The following GNAL variants were observed in gnomAD, a reference collection of about 807,000 sequenced individuals.
GNAL encodes guanine nucleotide-binding protein G(olf) subunit alpha.
A neutral mutation model predicts 55.1 loss-of-function variants in GNAL; 18 were observed. That is an observed-to-expected ratio of 0.33 (90% CI 0.23 to 0.48). GNAL has a LOEUF of 0.48. Among genes scored for constraint, GNAL ranks in the 20% least tolerant of loss-of-function variants. The pLI is 0.99. For missense variants in GNAL, 412 were observed against 614.1 expected, an observed-to-expected ratio of 0.67 and a Z score of 3.48; for synonymous variants, 253 against 237.0, an observed-to-expected ratio of 1.07 and a Z score of -0.62.
chr18:11,742,556 G>C (rs2032600443), intron 1 of GNAL, among the ~76,000 whole-genome samples: 1 of 152,246 alleles, frequency 6.6e-6, no homozygotes, highest in African/African-American at 2.4e-5. Context: ...CTTAAGAAAA[G>C]TTTCCGTGCC....
At chr18:11,860,128 A>T (rs1464378818) in intron 5 of GNAL, among the ~76,000 whole-genome samples, 1 of 152,168 alleles carries the variant, frequency 6.6e-6, no homozygotes, top group Non-Finnish European at 1.5e-5. Flanking sequence ...CTTCCAGGGA[A>T]ATGACTCATT....
chr18:11,721,969 C>G (rs115301082), intron 1 of GNAL, among the ~76,000 whole-genome samples: 1,977 of 152,036 alleles, frequency 0.013, 40 homozygotes, highest in African/African-American at 0.045. Flanking sequence ...TTCACTAAGA[C>G]AGTTCACAGA....
chr18:11,790,903 T>C (rs1193090792), intron 4 of GNAL, among the ~76,000 whole-genome samples: 1 of 152,152 alleles, frequency 6.6e-6, no homozygotes, highest in Non-Finnish European at 1.5e-5. Context: ...GTAATCCGCC[T>C]GCCTCAGCTT....
intron 11 of GNAL, among the ~76,000 whole-genome samples, chr18:11,877,193 C>T (rs2036551420): frequency 6.6e-6 from 1 of 152,214 alleles, no homozygotes. Context: ...GTGGCTCATG[C>T]CTGTCATCCC....
At chr18:11,716,525 T>G (rs962346072) in intron 1 of GNAL, among the ~76,000 whole-genome samples, 1 of 152,206 alleles carries the variant, frequency 6.6e-6, no homozygotes, top group Non-Finnish European at 1.5e-5. Flanking sequence ...CCTGCTTTTA[T>G]TCTCTTATCT....
rs34680678 is a variant in GNAL, at chr18:11,883,689, CT to C, written c.*2566del. On this transcript the variant is annotated 3_prime_UTR_variant, in exon 12 of 12. Coordinates refer to ENST00000334049, the MANE Select transcript of GNAL (RefSeq NM_182978.4). The stretch of plus-strand genomic sequence containing the variant: ...ATATGTTCTGCACATCACATCTGTA[CT>C]TTTTTTTTTTTAAATATATTTTTTG... 1.6e-3 allele frequency: 233 copies of C among 147,480 alleles called. 1 individual carries two copies. The highest frequency in any genetic ancestry group is 1.1e-3 in the Non-Finnish European group (70 of 66,252). 9.1% of individuals were successfully genotyped at this position (147,480 alleles called of 1,614,324 possible).
At chr18:11,827,334 C>T (rs183576379) in intron 5 of GNAL, among the ~76,000 whole-genome samples, 2 of 152,258 alleles carry the variant, frequency 1.3e-5, no homozygotes, top group Non-Finnish European at 2.9e-5. Flanking sequence ...ATGTCCTGGC[C>T]GGGCATGATG....
intron 4 of GNAL, among the ~76,000 whole-genome samples, chr18:11,754,679 GC>G (rs1225002845): frequency 6.6e-6 from 1 of 152,208 alleles, no homozygotes; most frequent in African/African-American, 2.4e-5. Flanking sequence ...CTTTGAAGAT[GC>G]ACAGCCTTCA....
intron 4 of GNAL, among the ~76,000 whole-genome samples, chr18:11,796,463 C>G (rs1335282690): frequency 2.0e-5 from 3 of 151,360 alleles, no homozygotes; most frequent in African/African-American, 7.3e-5. Context: ...GCCTGTAGTC[C>G]CAGCTACTGG....
At chr18:11,732,385 A>AAC (rs2032359429) in intron 1 of GNAL, among the ~76,000 whole-genome samples, 1 of 152,202 alleles carries the variant, frequency 6.6e-6, no homozygotes, top group African/African-American at 2.4e-5. Context: ...GTGAGATGTT[A>AAC]TTCACTGTGC....
In GNAL at chr18:11,689,823, A is replaced by T; in HGVS notation, c.260A>T (p.Glu87Val). ...RTEQLSAEER[E>V]AAKEREAVKE... is the part of the protein sequence containing the mutation. ...GAGCAGCTGAGTGCCGAGGAGCGCG[A>T]GGCGGCCAAGGAGCGCGAGGCGGTC... The change falls in exon 1 of 12, where the codon GAG (glutamate) becomes GTG (valine). Residue 87 changes from glutamate (E) to valine (V), a missense_variant. Glu to Val is a moderately radical substitution (Grantham distance 121, BLOSUM62 -2). This residue lies in a region of GNAL where 228 missense variants were observed against 194.8 expected (regional missense o/e 1.17). Coordinates refer to ENST00000334049, the MANE Select transcript of GNAL (RefSeq NM_182978.4). 1.3e-6 allele frequency: 2 copies of T among 1,537,106 alleles called. No homozygotes were observed. Among genetic ancestry groups the T allele is most frequent in the South Asian group, 2.4e-5 (2 of 83,036 alleles).
chr18:11,857,812 C>A, intron 5 of GNAL: 2 of 820,514 alleles, frequency 2.4e-6, no homozygotes, highest in Non-Finnish European at 2.9e-6. Context: ...TCCACCAGTA[C>A]GAACTCCTGG....
chr18:11,854,321 T>A (rs2035952976), intron 5 of GNAL: 2 of 167,118 alleles, frequency 1.2e-5, no homozygotes. Flanking sequence ...GAATGTACAT[T>A]TTTATGAGTC....
chr18:11,699,740 G>A (rs1329283772), intron 1 of GNAL, among the ~76,000 whole-genome samples: 1 of 152,150 alleles, frequency 6.6e-6, no homozygotes, highest in African/African-American at 2.4e-5. Flanking sequence ...TTAGGGCAGG[G>A]AAACCGCTCC....
chr18:11,691,000 G>T (rs924969863), intron 1 of GNAL, among the ~76,000 whole-genome samples: 61 of 148,278 alleles, frequency 4.1e-4, no homozygotes, highest in African/African-American at 1.5e-3. Flanking sequence ...GGGTCAAATG[G>T]TATTTCTAGT....
At chr18:11,857,619 C>T (rs888195469) in intron 5 of GNAL, 2 of 985,382 alleles carry the variant, frequency 2.0e-6, no homozygotes, top group South Asian at 4.7e-5. Flanking sequence ...TCTTGGATGA[C>T]GAGTCACCAT....
At chr18:11,857,986 T>C (rs9635804) in intron 5 of GNAL, among the ~76,000 whole-genome samples, 1 of 152,204 alleles carries the variant, frequency 6.6e-6, no homozygotes, top group Non-Finnish European at 1.5e-5. Context: ...ACACAAAAAA[T>C]TTTAAATACA....
chr18:11,813,896 T>TA (rs963006114), intron 4 of GNAL, among the ~76,000 whole-genome samples: 6 of 151,524 alleles, frequency 4.0e-5, no homozygotes, highest in Non-Finnish European at 5.9e-5. Flanking sequence ...ATTTAAAAAT[T>TA]AAAAAAAAAT....
intron 1 of GNAL, among the ~76,000 whole-genome samples, chr18:11,729,954 G>A (rs1276113173): frequency 6.6e-6 from 1 of 152,172 alleles, no homozygotes; most frequent in East Asian, 1.9e-4. Context: ...TGGAAGCAGA[G>A]GCTTACAAGT....
Sources: gnomAD v4.1 joint callset for allele counts (sites outside exome capture counted in the v4.1 genomes callset) on GRCh38, gnomAD v4.1.1 for gene constraint, gnomAD v4.1.1 regional missense constraint, MANE v1.5 for transcripts, NCBI Gene and HGNC (gene_info 2026-07-23, HGNC 2026-07-21) for gene names.